IL1RAPL2: variants seen among roughly 807,000 people sequenced by gnomAD.
IL1RAPL2 encodes X-linked interleukin-1 receptor accessory protein-like 2.
Under a neutral mutation model 44.1 loss-of-function variants are expected in IL1RAPL2, and 3 were observed. The ratio of observed to expected loss-of-function variants is 0.07; its 90% CI spans 0.03 to 0.18. IL1RAPL2 has a LOEUF of 0.18. IL1RAPL2 is among the 10% of genes least tolerant of loss of function. The pLI is 1.00. For synonymous variants in IL1RAPL2, 181 were observed against 178.8 expected, an observed-to-expected ratio of 1.01 and a Z score of -0.10; for missense variants, 391 against 496.4, an observed-to-expected ratio of 0.79 and a Z score of 2.02.
chrX:104,982,278 C>A (rs896851786), intron 2 of IL1RAPL2, among the ~76,000 whole-genome samples: 4 of 110,891 alleles, frequency 3.6e-5, no homozygotes, highest in Non-Finnish European at 7.6e-5. Context: ...AGGTAAGTCC[C>A]ATCTCAAAGA....
intron 4 of IL1RAPL2, among the ~76,000 whole-genome samples, chrX:105,238,091 G>A (rs781983586): frequency 8.9e-6 from 1 of 112,223 alleles, no homozygotes; most frequent in Admixed American, 9.5e-5. Flanking sequence ...GACAGAAAAA[G>A]GAAAGTGATG....
At chrX:105,279,687 C>T (rs2034515061) in intron 5 of IL1RAPL2, among the ~76,000 whole-genome samples, 1 of 111,527 alleles carries the variant, frequency 9.0e-6, no homozygotes, top group African/African-American at 3.3e-5. Flanking sequence ...ACCATGTTGA[C>T]CAGGATGGTC....
intron 6 of IL1RAPL2, among the ~76,000 whole-genome samples, chrX:105,702,801 A>C (rs2038130929): frequency 8.9e-6 from 1 of 112,063 alleles, no homozygotes; most frequent in Non-Finnish European, 1.9e-5. Flanking sequence ...AGATTTTCAA[A>C]AATAAAAACA....
chrX:105,434,700 G>A lies in IL1RAPL2; in HGVS notation c.698-49613G>A, dbSNP rs182371396. Among the ~76,000 whole-genome samples the A allele has an allele frequency of 3.6e-5, 4 of 112,181 alleles. No homozygotes were observed. The Admixed American group carries it at 3.8e-4, about 11-fold the overall frequency. ...TGATGATAGTTTCCTTTGCTCTGCA[G>A]AAGCTCTTTAGTTTAATTAGATCCC... On this transcript the variant is annotated intron_variant, in intron 5 of 10. Coordinates refer to ENST00000372582, the MANE Select transcript of IL1RAPL2 (RefSeq NM_017416.2).
At chrX:104,697,629 A>G (rs1253324364) in intron 2 of IL1RAPL2, among the ~76,000 whole-genome samples, 2 of 111,674 alleles carry the variant, frequency 1.8e-5, no homozygotes, top group Admixed American at 1.9e-4. Flanking sequence ...TGGACAAGAT[A>G]CATACAGTTT....
chrX:105,504,496 A>G (rs1291816407), intron 6 of IL1RAPL2, among the ~76,000 whole-genome samples: 1 of 111,702 alleles, frequency 9.0e-6, no homozygotes, highest in Non-Finnish European at 1.9e-5. Context: ...GTTTGTATTG[A>G]TGCAGCAACA....
intron 2 of IL1RAPL2, among the ~76,000 whole-genome samples, chrX:105,049,652 A>T (rs1345433981): frequency 8.9e-6 from 1 of 112,092 alleles, no homozygotes; most frequent in Admixed American, 9.5e-5. Context: ...AATCAAACAT[A>T]ACCCAATTAG....
intron 2 of IL1RAPL2, among the ~76,000 whole-genome samples, chrX:104,711,196 C>T (rs773370149): frequency 9.0e-6 from 1 of 111,550 alleles, no homozygotes; most frequent in Admixed American, 9.5e-5. Context: ...GAGCAATAGG[C>T]TGTACCATAT....
chrX:104,801,662 T>C (rs1482352354), intron 2 of IL1RAPL2, among the ~76,000 whole-genome samples: 1 of 111,526 alleles, frequency 9.0e-6, no homozygotes, highest in Non-Finnish European at 1.9e-5. Context: ...TTGGTAGCAG[T>C]TTAGGCTTGA....
chrX:105,067,111 TAGA>T (rs2032146998), intron 2 of IL1RAPL2, among the ~76,000 whole-genome samples: 1 of 112,153 alleles, frequency 8.9e-6, no homozygotes, highest in Non-Finnish European at 1.9e-5. Flanking sequence ...ACCTACTGCA[TAGA>T]AGATGTTACC....
At chrX:105,504,702 G>C (rs909830897) in intron 6 of IL1RAPL2, among the ~76,000 whole-genome samples, 1 of 111,232 alleles carries the variant, frequency 9.0e-6, no homozygotes, top group Non-Finnish European at 1.9e-5. Flanking sequence ...TAAGTAGTTT[G>C]GGAAGTAGAG....
At chrX:105,084,981 A>G (rs1356851702) in intron 2 of IL1RAPL2, among the ~76,000 whole-genome samples, 4 of 110,982 alleles carry the variant, frequency 3.6e-5, no homozygotes, top group African/African-American at 9.9e-5. Context: ...ATTTCCTCCT[A>G]CACACACTCT....
chrX:105,349,600 C>T (rs1399575750), intron 5 of IL1RAPL2, among the ~76,000 whole-genome samples: 1 of 111,620 alleles, frequency 9.0e-6, no homozygotes, highest in East Asian at 2.8e-4. Context: ...AGGTTTGGGG[C>T]AGAAATAGCT....
At chrX:105,604,499 A>G (rs760892292) in intron 6 of IL1RAPL2, among the ~76,000 whole-genome samples, 28 of 110,067 alleles carry the variant, frequency 2.5e-4, no homozygotes, top group Non-Finnish European at 2.3e-4. Context: ...AGACCAAATC[A>G]GTGATTAAAA....
rs139749458 is a variant in IL1RAPL2, at chrX:105,356,851, A to G, written c.697+89310A>G. Among the ~76,000 whole-genome samples the G allele has an allele frequency of 5.3e-3, 594 of 112,254 alleles. 5 individuals carry two copies. Among genetic ancestry groups the G allele is most frequent in the African/African-American group, 0.018 (553 of 30,928 alleles). On this transcript the variant is annotated intron_variant, in intron 5 of 10. Transcript: ENST00000372582. Reference sequence around the variant, plus strand: ...CTCTCTCCCCAATTTATGATGCTATATCAAACTCAACAAACCTTGGTAATG... The same window carrying G: ...CTCTCTCCCCAATTTATGATGCTATGTCAAACTCAACAAACCTTGGTAATG...
intron 1 of IL1RAPL2, among the ~76,000 whole-genome samples, chrX:104,629,647 G>A (rs1174531932): frequency 9.0e-6 from 1 of 111,497 alleles, no homozygotes. Context: ...TATTCCAGTA[G>A]TTTTATTGTT....
At chrX:104,891,845 G>T (rs1356059540) in intron 2 of IL1RAPL2, among the ~76,000 whole-genome samples, 5 of 111,579 alleles carry the variant, frequency 4.5e-5, no homozygotes, top group Non-Finnish European at 7.5e-5. Flanking sequence ...AATAGGAGTG[G>T]TGAGAGAGGG....
intron 5 of IL1RAPL2, among the ~76,000 whole-genome samples, chrX:105,404,787 A>G (rs1270697376): frequency 8.9e-6 from 1 of 112,193 alleles, no homozygotes; most frequent in Non-Finnish European, 1.9e-5. Context: ...GGCTCTTAGT[A>G]TACATTCAAT....
intron 2 of IL1RAPL2, among the ~76,000 whole-genome samples, chrX:104,737,442 A>C (rs181208887): frequency 8.9e-6 from 1 of 112,321 alleles, no homozygotes; most frequent in African/African-American, 3.2e-5. Flanking sequence ...GCCTCCAATA[A>C]ATCTGAAAAA....
Sources: gnomAD v4.1 joint callset for allele counts (sites outside exome capture counted in the v4.1 genomes callset) on GRCh38, gnomAD v4.1.1 for gene constraint, MANE v1.5 for transcripts, NCBI Gene and HGNC (gene_info 2026-07-23, HGNC 2026-07-21) for gene names.